OPCML: variants seen among roughly 807,000 people sequenced by gnomAD.
OPCML encodes the protein opioid-binding protein/cell adhesion molecule.
Under a neutral mutation model 37.8 loss-of-function variants are expected in OPCML, and 13 were observed. The observed-to-expected ratio is 0.34, with a 90% CI of 0.22 to 0.55. The LOEUF (loss-of-function observed/expected upper bound fraction) is 0.55, where lower values mean the gene tolerates loss of function less well. OPCML is among the 20% of genes least tolerant of loss of function. The pLI is 0.91. For synonymous variants in OPCML, 176 were observed against 168.8 expected (o/e 1.04, Z -0.33); for missense variants, 341 against 435.6 (o/e 0.78, Z 1.93).
chr11:132,582,737 C>T (rs943121445), intron 3 of OPCML, among the ~76,000 whole-genome samples: 1 of 151,720 alleles, frequency 6.6e-6, no homozygotes, highest in South Asian at 2.1e-4. Context: ...ATTTAAGCCA[C>T]TTAATTTCAA....
chr11:132,793,920 A>G (rs1276600042), intron 2 of OPCML, among the ~76,000 whole-genome samples: 2 of 152,198 alleles, frequency 1.3e-5, no homozygotes, highest in African/African-American at 4.8e-5. Flanking sequence ...CTGCATCTCC[A>G]GCTGCTGCTT....
chr11:133,317,446 C>G (rs146916001), intron 1 of OPCML, among the ~76,000 whole-genome samples: 14 of 152,314 alleles, frequency 9.2e-5, no homozygotes, highest in Middle Eastern at 3.4e-3. Flanking sequence ...TTTTGAAACA[C>G]TGGTTTGTGC....
intron 1 of OPCML, among the ~76,000 whole-genome samples, chr11:133,153,206 G>T (rs1950011927): frequency 6.6e-6 from 1 of 152,250 alleles, no homozygotes; most frequent in South Asian, 2.1e-4. Context: ...AGCCTGCCCC[G>T]CAGCCAGATA....
chr11:133,021,751 C>T (rs919463647), intron 1 of OPCML, among the ~76,000 whole-genome samples: 4 of 17,448 alleles, frequency 2.3e-4, no homozygotes, highest in African/African-American at 1.8e-3. Flanking sequence ...TTGCTCACAC[C>T]GCCAATACTG....
At chr11:133,280,922 GC>G (rs1187034891) in intron 1 of OPCML, among the ~76,000 whole-genome samples, 1 of 152,144 alleles carries the variant, frequency 6.6e-6, no homozygotes, top group African/African-American at 2.4e-5. Flanking sequence ...GCTAAGTACT[GC>G]CCCTTGGTAC....
At chr11:132,712,297 C>T (rs1944296935) in intron 2 of OPCML, among the ~76,000 whole-genome samples, 1 of 151,792 alleles carries the variant, frequency 6.6e-6, no homozygotes, top group Admixed American at 6.6e-5. Flanking sequence ...CACAGGTGCC[C>T]CCACCCTCCC....
intron 4 of OPCML, among the ~76,000 whole-genome samples, chr11:132,517,102 C>G (rs143029495): frequency 2.6e-5 from 4 of 152,180 alleles, no homozygotes; most frequent in African/African-American, 7.2e-5. Context: ...CCATTCTACA[C>G]GGCTCTCAGT....
chr11:133,223,452 C>T (rs1939917026), intron 1 of OPCML, among the ~76,000 whole-genome samples: 1 of 152,134 alleles, frequency 6.6e-6, no homozygotes, highest in Non-Finnish European at 1.5e-5. Flanking sequence ...TCCAAAGCCT[C>T]TAATCCTTTC....
chr11:133,314,985 C>CGTGT (rs35412967), intron 1 of OPCML, among the ~76,000 whole-genome samples: 58,108 of 151,508 alleles, frequency 0.38, 12,636 homozygotes, highest in East Asian at 0.66. Flanking sequence ...AGTGTGTGTG[C>CGTGT]GTGTGTGTGT....
At chr11:132,911,989 A>G (rs931042103) in intron 2 of OPCML, among the ~76,000 whole-genome samples, 1 of 152,096 alleles carries the variant, frequency 6.6e-6, no homozygotes, top group Non-Finnish European at 1.5e-5. Context: ...AGTAGAGGTT[A>G]ATCATCTTGA....
Position 132,532,589 on chromosome 11 carries a change from AT to A in OPCML, c.380-3404del, listed in dbSNP as rs564294141. On this transcript the variant is annotated intron_variant, in intron 3 of 7. Coordinates refer to ENST00000524381, the MANE Select transcript of OPCML (RefSeq NM_001012393.5). The stretch of plus-strand genomic sequence containing the variant: ...AGTAAATGAGAGCTCATCTCACTGC[AT>A]TATGATTCCTCTTTGTTTATTGTTG... Among the ~76,000 whole-genome samples the A allele has an allele frequency of 2.4e-3, 362 of 152,314 alleles. 3 individuals are homozygous for A. Among genetic ancestry groups the A allele is most frequent in the African/African-American group, 8.1e-3 (337 of 41,576 alleles).
intron 1 of OPCML, among the ~76,000 whole-genome samples, chr11:133,243,158 A>G (rs1390407174): frequency 6.6e-6 from 1 of 152,202 alleles, no homozygotes; most frequent in Non-Finnish European, 1.5e-5. Context: ...AGGGCAAACA[A>G]GATATTCTTG....
chr11:132,574,266 T>G (rs2096445160), intron 3 of OPCML, among the ~76,000 whole-genome samples: 1 of 149,384 alleles, frequency 6.7e-6, no homozygotes, highest in African/African-American at 2.5e-5. Context: ...TTGGTTTTTT[T>G]GTTTGTTTGT....
intron 2 of OPCML, among the ~76,000 whole-genome samples, chr11:132,834,350 C>G (rs1032135426): frequency 2.6e-5 from 4 of 152,186 alleles, no homozygotes; most frequent in African/African-American, 9.6e-5. Context: ...TCCGCGAATG[C>G]TAAGTCCCAT....
At chr11:133,525,043 A>G (rs553620380) in intron 1 of OPCML, among the ~76,000 whole-genome samples, 6 of 152,340 alleles carry the variant, frequency 3.9e-5, no homozygotes, top group Admixed American at 2.0e-4. Flanking sequence ...TTGGAGAACA[A>G]AACAGGTGTG....
At chr11:132,763,738 C>T (rs1242255503) in intron 2 of OPCML, among the ~76,000 whole-genome samples, 1 of 152,222 alleles carries the variant, frequency 6.6e-6, no homozygotes, top group Non-Finnish European at 1.5e-5. Flanking sequence ...CTGGAGAGTG[C>T]TCTTGGTGTT....
intron 1 of OPCML, among the ~76,000 whole-genome samples, chr11:133,155,215 A>G (rs1054776706): frequency 1.2e-4 from 19 of 152,148 alleles, no homozygotes; most frequent in African/African-American, 4.6e-4. Context: ...TCTTGAATGC[A>G]TCACCTTTTC....
At chr11:133,314,232 C>CAAAAAAA (rs59843718) in intron 1 of OPCML, among the ~76,000 whole-genome samples, 2 of 49,750 alleles carry the variant, frequency 4.0e-5, no homozygotes, top group African/African-American at 7.6e-5. Context: ...GACTCCGTCT[C>CAAAAAAA]AAAAAAAAAA....
intron 1 of OPCML, among the ~76,000 whole-genome samples, chr11:133,531,130 A>C (rs937080794): frequency 6.6e-6 from 1 of 152,194 alleles, no homozygotes; most frequent in Non-Finnish European, 1.5e-5. Flanking sequence ...TTTGGTATGA[A>C]AACCGACACT....
Sources: gnomAD v4.1 joint callset for allele counts (sites outside exome capture counted in the v4.1 genomes callset) on GRCh38, gnomAD v4.1.1 for gene constraint, MANE v1.5 for transcripts, NCBI Gene and HGNC (gene_info 2026-07-23, HGNC 2026-07-21) for gene names.